The following ENTPD1 variants were observed in gnomAD, a reference collection of about 807,000 sequenced individuals.
The protein encoded by ENTPD1 is ATP diphosphohydrolase.
ENTPD1 carries 33 observed loss-of-function variants against 57.0 expected under a neutral mutation model. That is an observed-to-expected ratio of 0.58 (90% CI 0.44 to 0.77). ENTPD1 has a LOEUF of 0.77. ENTPD1 is among the 30% of genes least tolerant of loss of function. The pLI is 0.00. For synonymous variants in ENTPD1, 202 were observed against 218.8 expected (o/e 0.92, Z 0.68); for missense variants, 501 against 603.4 (o/e 0.83, Z 1.78).
At chr10:95,720,376 G>A (rs2095713) in intron 1 of ENTPD1, among the ~76,000 whole-genome samples, 75,636 of 151,848 alleles carry the variant, frequency 0.5, 19,336 homozygotes, top group East Asian at 0.74. Context: ...CTCCCTAACA[G>A]GGGAGTGGGG....
chr10:95,759,452 T>A (rs2098046312), intron 1 of ENTPD1, among the ~76,000 whole-genome samples: 1 of 152,244 alleles, frequency 6.6e-6, no homozygotes, highest in Admixed American at 6.5e-5. Context: ...ACAGAACATC[T>A]GGTTCCATAA....
intron 1 of ENTPD1, among the ~76,000 whole-genome samples, chr10:95,724,298 G>A (rs893905027): frequency 2.0e-5 from 3 of 152,020 alleles, no homozygotes; most frequent in Non-Finnish European, 4.4e-5. Flanking sequence ...GGAAGGATAG[G>A]ACAGAATAGC....
intron 1 of ENTPD1, among the ~76,000 whole-genome samples, chr10:95,738,214 T>C (rs2097996634): frequency 6.6e-6 from 1 of 152,206 alleles, no homozygotes; most frequent in Non-Finnish European, 1.5e-5. Flanking sequence ...AGTAGCCTCA[T>C]AGGGAGAAAA....
rs1423593790 is a variant in ENTPD1 at position 95,866,858 on chromosome 10, A to G, written c.*475A>G. On this transcript the variant is annotated 3_prime_UTR_variant, in exon 10 of 10. Transcript: ENST00000371205. Reference sequence around the variant, plus strand: ...GCCATATGATGCCTTTGGAGAAGGCAGACACACATTCCATTCCCAGCCTGC... The same window carrying G: ...GCCATATGATGCCTTTGGAGAAGGCGGACACACATTCCATTCCCAGCCTGC... 9.6e-7 allele frequency: 1 copy of G among 1,040,842 alleles called. No homozygotes were observed. The highest frequency in any genetic ancestry group is 1.7e-5 in the African/African-American group (1 of 58,624). 64.5% of individuals were successfully genotyped at this position (1,040,842 alleles called of 1,614,324 possible).
chr10:95,847,887 G>A (rs7088584), intron 7 of ENTPD1, among the ~76,000 whole-genome samples, 181 bp downstream of exon 7: 8 of 151,970 alleles, frequency 5.3e-5, no homozygotes, highest in Non-Finnish European at 7.4e-5. Flanking sequence ...TTCCACTATC[G>A]TTGTGATCTT....
intron 7 of ENTPD1, among the ~76,000 whole-genome samples, chr10:95,858,840 A>G (rs1203934148): frequency 6.6e-6 from 1 of 152,212 alleles, no homozygotes; most frequent in African/African-American, 2.4e-5. Flanking sequence ...ATTAAGATAC[A>G]TCTACACCGT....
chr10:95,752,071 C>G (rs553552995), upstream of ENTPD1, among the ~76,000 whole-genome samples: 1 of 152,168 alleles, frequency 6.6e-6, no homozygotes, highest in Non-Finnish European at 1.5e-5. Context: ...AAGGAGAGAT[C>G]AATTTTCAAG....
chr10:95,695,169 G>T, the ENTPD1 span, among the ~76,000 whole-genome samples: 1 of 152,096 alleles, frequency 6.6e-6, no homozygotes, highest in Non-Finnish European at 1.5e-5. Context: ...CTCCTAAAGT[G>T]CTGGGATTAC....
chr10:95,849,950 C>A (rs2098442076), intron 7 of ENTPD1, among the ~76,000 whole-genome samples: 1 of 152,166 alleles, frequency 6.6e-6, no homozygotes, highest in Non-Finnish European at 1.5e-5. Context: ...ATGAACATAC[C>A]CTTGTGTCTT....
At chr10:95,701,269 G>A in the ENTPD1 span, among the ~76,000 whole-genome samples, 6 of 152,112 alleles carry the variant, frequency 3.9e-5, no homozygotes, top group East Asian at 1.9e-4. Context: ...AAGACCAGCC[G>A]GGCAACATAG....
At chr10:95,847,299 T>A in intron 6 of ENTPD1, 147 bp from the exon 7 acceptor site, 1 of 891,620 alleles carries the variant, frequency 1.1e-6, no homozygotes, top group Non-Finnish European at 1.8e-6. Context: ...TATTTATTCC[T>A]AAGGGTAAAA....
chr10:95,853,573 A>G (rs1287039790), intron 7 of ENTPD1, among the ~76,000 whole-genome samples: 1 of 152,198 alleles, frequency 6.6e-6, no homozygotes, highest in Non-Finnish European at 1.5e-5. Flanking sequence ...TGGGTTTGTC[A>G]TAGATAGCTC....
chr10:95,792,881 G>A (rs1158853541), intron 1 of ENTPD1, among the ~76,000 whole-genome samples: 1 of 152,154 alleles, frequency 6.6e-6, no homozygotes, highest in East Asian at 1.9e-4. Flanking sequence ...TGAATTCATG[G>A]CTTTGGTGTG....
chr10:95,762,129 A>G (rs1265150043), intron 1 of ENTPD1, among the ~76,000 whole-genome samples: 13 of 151,772 alleles, frequency 8.6e-5, no homozygotes. Flanking sequence ...AGAGACCGAC[A>G]GTGGCAGTAC....
chr10:95,815,743 T>C (rs1218534140), intron 1 of ENTPD1, among the ~76,000 whole-genome samples: 1 of 152,208 alleles, frequency 6.6e-6, no homozygotes, highest in East Asian at 1.9e-4. Flanking sequence ...GAAGAAAGAA[T>C]GTGAGGGATA....
intron 1 of ENTPD1, among the ~76,000 whole-genome samples, chr10:95,766,511 G>A (rs2098088886): frequency 6.6e-6 from 1 of 152,056 alleles, no homozygotes; most frequent in African/African-American, 2.4e-5. Flanking sequence ...CAATACAATT[G>A]TCTGTTGTCT....
intron 2 of ENTPD1, among the ~76,000 whole-genome samples, chr10:95,825,102 T>A (rs1239522438): frequency 6.6e-6 from 1 of 152,224 alleles, no homozygotes; most frequent in African/African-American, 2.4e-5. Context: ...CACATGCAGC[T>A]CTTTAAGCTT....
At chr10:95,721,661 T>C (rs756991242) in intron 1 of ENTPD1, among the ~76,000 whole-genome samples, 3 of 149,416 alleles carry the variant, frequency 2.0e-5, no homozygotes, top group Non-Finnish European at 4.4e-5. Context: ...GGGGCGTTTT[T>C]GCCTTAGGGG....
intron 2 of ENTPD1, among the ~76,000 whole-genome samples, chr10:95,835,884 C>T (rs1349881690): frequency 6.6e-6 from 1 of 152,100 alleles, no homozygotes; most frequent in African/African-American, 2.4e-5. Context: ...AGGACTTAGT[C>T]ATAAATTCTT....
Sources: allele counts gnomAD v4.1 joint callset (sites outside exome capture counted in the v4.1 genomes callset), GRCh38; gene constraint gnomAD v4.1.1; transcripts MANE v1.5; gene names NCBI Gene and HGNC (gene_info 2026-07-23, HGNC 2026-07-21).